The following DYRK1A variants were observed in gnomAD, a reference collection of about 807,000 sequenced individuals.
DYRK1A encodes the protein dual specificity tyrosine-phosphorylation-regulated kinase 1A.
A neutral mutation model predicts 79.7 loss-of-function variants in DYRK1A; 9 were observed. The observed-to-expected ratio is 0.11, with a 90% CI of 0.07 to 0.20. DYRK1A has a LOEUF of 0.20. Ranked by LOEUF, DYRK1A falls within the 10% of genes least tolerant of loss-of-function variation. The pLI is 1.00. For missense variants in DYRK1A, 622 were observed against 956.0 expected (o/e 0.65, Z 4.61); for synonymous variants, 349 against 329.7 (o/e 1.06, Z -0.63).
At chr21:37,440,401 T>G (rs1253529216) in intron 2 of DYRK1A, among the ~76,000 whole-genome samples, 1 of 152,028 alleles carries the variant, frequency 6.6e-6, no homozygotes, top group African/African-American at 2.4e-5. Flanking sequence ...CCTTCCAAAG[T>G]GTTGGGATTA....
chr21:37,395,008 G>C (rs892065567), intron 1 of DYRK1A, among the ~76,000 whole-genome samples: 3 of 152,178 alleles, frequency 2.0e-5, no homozygotes, highest in African/African-American at 7.2e-5. Context: ...AGGGATCTCA[G>C]ATTCCCTGTA....
In DYRK1A at chr21:37,394,211, CT is replaced by C. The variant is rs1201716993; in HGVS notation, c.-76-26079del. ...CATTTTGTAATGCAGTGGTGTATTT[CT>C]TTTTTTTTAAACCCTTTTTTTTTTT... On this transcript the variant is annotated intron_variant, in intron 1 of 11. Transcript: ENST00000647188. 5.9e-5 allele frequency among the ~76,000 whole-genome samples: 8 copies of C among 134,612 alleles called. No individual in the cohort carries two copies. The East Asian group carries it at 6.7e-4, about 11-fold the overall frequency. 88.3% of individuals were successfully genotyped at this position (134,612 alleles called of 152,430 possible). A position where few individuals can be genotyped will look rare whatever the true frequency, so the allele number is the denominator to read the frequency against.
intron 8 of DYRK1A, among the ~76,000 whole-genome samples, chr21:37,494,823 C>T (rs951949238): frequency 6.6e-6 from 1 of 151,808 alleles, no homozygotes; most frequent in South Asian, 2.1e-4. Context: ...TGTTGCGTGC[C>T]TGTAATCCCA....
intron 9 of DYRK1A, among the ~76,000 whole-genome samples, chr21:37,498,055 A>G (rs1226397153): frequency 6.6e-6 from 1 of 152,186 alleles, no homozygotes; most frequent in Non-Finnish European, 1.5e-5. Context: ...ATAGATGTGC[A>G]TATACTTTCA....
chr21:37,386,711 A>G (rs2049768025), intron 1 of DYRK1A, among the ~76,000 whole-genome samples: 1 of 152,146 alleles, frequency 6.6e-6, no homozygotes, highest in Non-Finnish European at 1.5e-5. Flanking sequence ...GGACAGGCTC[A>G]GGGGCTAATT....
chr21:37,458,532 G>A (rs2051735067), intron 2 of DYRK1A, among the ~76,000 whole-genome samples: 1 of 151,992 alleles, frequency 6.6e-6, no homozygotes, highest in Admixed American at 6.5e-5. Flanking sequence ...AGGGAGAGGA[G>A]TACTTTGGGT....
At chr21:37,427,452 T>C (rs191035180) in intron 2 of DYRK1A, among the ~76,000 whole-genome samples, 28 of 152,320 alleles carry the variant, frequency 1.8e-4, no homozygotes, top group Admixed American at 1.8e-3. Context: ...GCTTTTAAAA[T>C]TTAAACATTC....
intron 1 of DYRK1A, among the ~76,000 whole-genome samples, chr21:37,374,465 A>G (rs1310664702): frequency 6.6e-6 from 1 of 151,938 alleles, no homozygotes; most frequent in Non-Finnish European, 1.5e-5. Context: ...AATGGTTCCC[A>G]AACAGTCTTC....
intron 1 of DYRK1A, among the ~76,000 whole-genome samples, chr21:37,412,299 G>A (rs576337253): frequency 6.6e-6 from 1 of 152,158 alleles, no homozygotes; most frequent in Non-Finnish European, 1.5e-5. Context: ...TTATAGAGGG[G>A]TTAAATCCAG....
rs2049893090 is a variant in DYRK1A, at chr21:37,392,668, C to T, written c.-77+25040C>T. Among the ~76,000 whole-genome samples the T allele has an allele frequency of 2.0e-5, 3 of 152,316 alleles. No homozygotes were observed. In the South Asian group the frequency reaches 6.2e-4, roughly 32 times the overall value. On this transcript the variant is annotated intron_variant, in intron 1 of 11. Coordinates refer to ENST00000647188, the MANE Select transcript of DYRK1A (RefSeq NM_001347721.2). Reference sequence around the variant, plus strand: ...ATCCCACAGTTCCCCAAAGGCTCCACCTCTTAATACTGTTAGGGCCTAATG... The same window carrying T: ...ATCCCACAGTTCCCCAAAGGCTCCATCTCTTAATACTGTTAGGGCCTAATG...
intron 4 of DYRK1A, among the ~76,000 whole-genome samples, chr21:37,478,698 G>C (rs1275097009): frequency 6.6e-6 from 1 of 152,098 alleles, no homozygotes; most frequent in Non-Finnish European, 1.5e-5. Context: ...TTTGCCATGG[G>C]TGTCAGGAAG....
At chr21:37,442,649 G>A (rs1416297126) in intron 2 of DYRK1A, among the ~76,000 whole-genome samples, 1 of 151,518 alleles carries the variant, frequency 6.6e-6, no homozygotes, top group Non-Finnish European at 1.5e-5. Context: ...TGCTATGACG[G>A]GCTGGATTTG....
intron 2 of DYRK1A, among the ~76,000 whole-genome samples, chr21:37,447,937 A>G (rs373250903): frequency 6.6e-6 from 1 of 152,296 alleles, no homozygotes; most frequent in East Asian, 1.9e-4. Context: ...GGAATTAACA[A>G]GTTTATGTAA....
intron 2 of DYRK1A, among the ~76,000 whole-genome samples, chr21:37,436,264 G>A (rs1381950648): frequency 6.6e-6 from 1 of 152,138 alleles, no homozygotes; most frequent in African/African-American, 2.4e-5. Flanking sequence ...AGAAGAAAGA[G>A]CATTTTAGGG....
chr21:37,509,910 G>T (rs555703309), intron 11 of DYRK1A, among the ~76,000 whole-genome samples: 1 of 152,334 alleles, frequency 6.6e-6, no homozygotes, highest in Admixed American at 6.5e-5. Context: ...TTTAAATTCT[G>T]TTATGAGTAG....
At chr21:37,498,455 G>T (rs79461999) in intron 9 of DYRK1A, among the ~76,000 whole-genome samples, 3,529 of 152,118 alleles carry the variant, frequency 0.023, 135 homozygotes, top group African/African-American at 0.081. Context: ...AGTATTTATT[G>T]TTTAGTTTTG....
intron 2 of DYRK1A, chr21:37,430,447 A>G (rs758075295): frequency 1.1e-4 from 103 of 978,026 alleles, no homozygotes; most frequent in Non-Finnish European, 1.2e-4. Context: ...TATGTGTTCA[A>G]CTTGCACTAG....
chr21:37,378,468 G>C (rs181188573), intron 1 of DYRK1A, among the ~76,000 whole-genome samples: 1 of 152,356 alleles, frequency 6.6e-6, no homozygotes, highest in East Asian at 1.9e-4. Flanking sequence ...GGAGGCGGAC[G>C]TGGTGGTGAG....
chr21:37,450,211 A>G (rs11088396), intron 2 of DYRK1A, among the ~76,000 whole-genome samples: 65,901 of 151,982 alleles, frequency 0.43, 15,521 homozygotes, highest in African/African-American at 0.62. Flanking sequence ...GTTACCAGGG[A>G]GGTAAGGTAG....
Sources: allele counts gnomAD v4.1 joint callset (sites outside exome capture counted in the v4.1 genomes callset), GRCh38; gene constraint gnomAD v4.1.1; transcripts MANE v1.5; gene names NCBI Gene and HGNC (gene_info 2026-07-23, HGNC 2026-07-21).